Variants in PCDH9 observed in about 807,000 individuals in gnomAD.
PCDH9 encodes protocadherin-9.
In PCDH9, 24 loss-of-function variants were observed where a neutral mutation model predicts 70.6. The ratio of observed to expected loss-of-function variants is 0.34; its 90% CI spans 0.25 to 0.48. PCDH9 has a LOEUF of 0.48. PCDH9 is among the 20% of genes least tolerant of loss of function. The pLI, the probability that PCDH9 is intolerant of heterozygous loss-of-function variation, is 0.99. For synonymous variants in PCDH9, 562 were observed against 558.5 expected (o/e 1.01, Z -0.09); for missense variants, 1,281 against 1,503.6 (o/e 0.85, Z 2.45).
chr13:66,973,435 A>G (rs567587182), intron 2 of PCDH9, among the ~76,000 whole-genome samples: 2 of 152,112 alleles, frequency 1.3e-5, no homozygotes, highest in South Asian at 4.1e-4. Context: ...GAGACTAGAC[A>G]GAACTCCACA....
intron 2 of PCDH9, among the ~76,000 whole-genome samples, chr13:67,166,811 G>A (rs1035893188): frequency 2.6e-5 from 4 of 152,074 alleles, no homozygotes; most frequent in African/African-American, 4.8e-5. Flanking sequence ...TTGTACCTGC[G>A]TTTGTCTGGC....
At chr13:66,514,753 T>C (rs1466282481) in intron 4 of PCDH9, among the ~76,000 whole-genome samples, 2 of 152,052 alleles carry the variant, frequency 1.3e-5, no homozygotes, top group African/African-American at 2.4e-5. Flanking sequence ...TTGTGAATTC[T>C]TACCAATTTT....
At chr13:66,986,666 TC>T in intron 2 of PCDH9, among the ~76,000 whole-genome samples, 1 of 152,114 alleles carries the variant, frequency 6.6e-6, no homozygotes, top group South Asian at 2.1e-4. Context: ...TAGCAGACTT[TC>T]AATAATGATT....
intron 2 of PCDH9, among the ~76,000 whole-genome samples, chr13:67,148,033 C>T (rs761566038): frequency 8.5e-5 from 13 of 152,254 alleles, no homozygotes; most frequent in Non-Finnish European, 1.5e-5. Context: ...TTGCTGATCC[C>T]GGTCTTTTCT....
intron 4 of PCDH9, among the ~76,000 whole-genome samples, chr13:66,500,501 G>A (rs1039414535): frequency 6.6e-6 from 1 of 151,524 alleles, no homozygotes; most frequent in Non-Finnish European, 1.5e-5. Flanking sequence ...AAGTTTTTTT[G>A]TTTGTTTGTT....
intron 4 of PCDH9, among the ~76,000 whole-genome samples, chr13:66,528,129 T>C (rs563126559): frequency 1.3e-5 from 2 of 152,292 alleles, no homozygotes; most frequent in East Asian, 3.9e-4. Flanking sequence ...TTTTCTGCAA[T>C]TTCACCAACT....
At chr13:67,102,317 C>T (rs1207877958) in intron 2 of PCDH9, among the ~76,000 whole-genome samples, 1 of 152,086 alleles carries the variant, frequency 6.6e-6, no homozygotes, top group African/African-American at 2.4e-5. Flanking sequence ...GTCTTGCAAT[C>T]TCTAGATCTT....
intron 3 of PCDH9, among the ~76,000 whole-genome samples, chr13:66,742,549 A>T (rs1427720426): frequency 1.4e-5 from 2 of 147,690 alleles, no homozygotes; most frequent in Non-Finnish European, 3.0e-5. Flanking sequence ...CATCAGAGTG[A>T]ACAGGTAACC....
Position 66,947,800 on chromosome 13 carries a change from T to A in PCDH9, c.3037-44195A>T, listed in dbSNP as rs542973402. ...GAAAGGTAAGTTGGGGGTGACATTG[T>A]ACATGATCATATATGGGCAGGCTAA... On this transcript the variant is annotated intron_variant, in intron 2 of 4. Transcript: ENST00000377865. Among the ~76,000 whole-genome samples, 6 of 152,250 alleles carry A rather than the reference T, an allele frequency of 3.9e-5. No individual in the cohort carries two copies. In the East Asian group the frequency reaches 1.2e-3, roughly 29 times the overall value.
At chr13:67,030,515 C>T (rs1347606450) in intron 2 of PCDH9, among the ~76,000 whole-genome samples, 1 of 151,918 alleles carries the variant, frequency 6.6e-6, no homozygotes, top group Non-Finnish European at 1.5e-5. Context: ...ACACACCTTT[C>T]CCAGCCCCTG....
At chr13:67,035,998 G>A (rs956811244) in intron 2 of PCDH9, among the ~76,000 whole-genome samples, 1 of 152,054 alleles carries the variant, frequency 6.6e-6, no homozygotes, top group African/African-American at 2.4e-5. Flanking sequence ...GTGACAAGGA[G>A]GAACAAATAT....
At chr13:67,075,928 A>G (rs1408744219) in intron 2 of PCDH9, among the ~76,000 whole-genome samples, 1 of 152,136 alleles carries the variant, frequency 6.6e-6, no homozygotes, top group Non-Finnish European at 1.5e-5. Flanking sequence ...TAGAAATTGG[A>G]AGAATTTGGG....
At chr13:66,778,307 T>C (rs2324988) in intron 3 of PCDH9, among the ~76,000 whole-genome samples, 56,652 of 151,920 alleles carry the variant, frequency 0.37, 10,840 homozygotes, top group East Asian at 0.58. Context: ...AAATACTCTC[T>C]GCTCTTTAAT....
chr13:67,057,180 A>G (rs537479115), intron 2 of PCDH9, among the ~76,000 whole-genome samples: 19 of 152,274 alleles, frequency 1.2e-4, no homozygotes, highest in Middle Eastern at 3.4e-3. Context: ...ATAGATTAAC[A>G]AAGTTACCCT....
At chr13:66,717,542 G>C (rs1365953609) in intron 3 of PCDH9, among the ~76,000 whole-genome samples, 1 of 130,740 alleles carries the variant, frequency 7.6e-6, no homozygotes, top group Non-Finnish European at 1.6e-5. Context: ...CTTAGTACAA[G>C]ATATGTCTCG....
At chr13:66,518,849 C>G (rs1014387204) in intron 4 of PCDH9, among the ~76,000 whole-genome samples, 5 of 152,040 alleles carry the variant, frequency 3.3e-5, no homozygotes, top group Non-Finnish European at 2.9e-5. Context: ...AGACCAAAAC[C>G]CAAACGCATG....
intron 3 of PCDH9, among the ~76,000 whole-genome samples, chr13:66,849,517 T>TATATAGAGAGAGAGAGAGAGAGAGAGAG (rs1272589939): frequency 1.6e-5 from 1 of 63,580 alleles, no homozygotes; most frequent in East Asian, 5.4e-4. Flanking sequence ...TATATATATA[T>TATATAGAGAGAGAGAGAGAGAGAGAGAG]AGAGAGAGAG....
intron 2 of PCDH9, among the ~76,000 whole-genome samples, chr13:66,930,661 A>C (rs1323640251): frequency 2.0e-5 from 3 of 152,174 alleles, no homozygotes; most frequent in Non-Finnish European, 4.4e-5. Context: ...AGGGGAGGGA[A>C]GAAGGTGGAA....
intron 4 of PCDH9, among the ~76,000 whole-genome samples, chr13:66,589,582 A>T (rs2077012511): frequency 6.6e-6 from 1 of 152,178 alleles, no homozygotes; most frequent in African/African-American, 2.4e-5. Context: ...TAGTCATATA[A>T]GATGGCATAA....
Sources: allele counts gnomAD v4.1 joint callset (sites outside exome capture counted in the v4.1 genomes callset), GRCh38; gene constraint gnomAD v4.1.1; transcripts MANE v1.5; gene names NCBI Gene and HGNC (gene_info 2026-07-23, HGNC 2026-07-21).